EXD2: variants seen among roughly 807,000 people sequenced by gnomAD.
EXD2 encodes exonuclease 3'-5' domain containing 2.
EXD2 carries 40 observed loss-of-function variants against 62.5 expected under a neutral mutation model. The observed-to-expected ratio is 0.64, with a 90% CI of 0.50 to 0.83. The LOEUF (loss-of-function observed/expected upper bound fraction) is 0.83, where lower values mean the gene tolerates loss of function less well. Among genes scored for constraint, EXD2 ranks in the 40% least tolerant of loss-of-function variants. EXD2 has a pLI of 0.00. For missense variants in EXD2, 671 were observed against 761.8 expected (o/e 0.88, Z 1.40); for synonymous variants, 239 against 291.9 (o/e 0.82, Z 1.85).
At chr14:69,192,469 G>A (rs1231290130) in intron 1 of EXD2, among the ~76,000 whole-genome samples, 1 of 143,752 alleles carries the variant, frequency 7.0e-6, no homozygotes, top group Non-Finnish European at 1.5e-5. Context: ...CGTGCATAAA[G>A]CCTTGTAACA....
At chr14:69,209,879 A>G (rs1273088433) in intron 3 of EXD2, 76 bp downstream of exon 3, 1 of 1,217,138 alleles carries the variant, frequency 8.2e-7, no homozygotes, top group African/African-American at 1.5e-5. Flanking sequence ...TTGGACAGTC[A>G]AGTAGAAAAT....
intron 4 of EXD2, among the ~76,000 whole-genome samples, chr14:69,229,815 CA>C (rs2043504712): frequency 6.6e-6 from 1 of 152,070 alleles, no homozygotes. Context: ...GTGACACAGT[CA>C]CTAAAAGTTT....
At chr14:69,235,146 C>T (rs4243633) in intron 6 of EXD2, 115 bp downstream of exon 6, 6 of 872,130 alleles carry the variant, frequency 6.9e-6, no homozygotes, top group Non-Finnish European at 1.0e-5. Flanking sequence ...GCAGCTCTCC[C>T]GGGGTTAATC....
intron 3 of EXD2, among the ~76,000 whole-genome samples, chr14:69,219,735 C>T (rs568529268): frequency 2.5e-4 from 38 of 152,250 alleles, no homozygotes; most frequent in Non-Finnish European, 3.1e-4. Flanking sequence ...GTTCTAATTA[C>T]TTGTAGATTC....
chr14:69,214,308 G>A (rs556648148), intron 3 of EXD2, among the ~76,000 whole-genome samples: 37 of 152,076 alleles, frequency 2.4e-4, no homozygotes, highest in Non-Finnish European at 5.0e-4. Flanking sequence ...TAATAGGATT[G>A]ATGTTTTATC....
At chr14:69,223,719 G>T (rs2043265763) in intron 3 of EXD2, among the ~76,000 whole-genome samples, 1 of 152,146 alleles carries the variant, frequency 6.6e-6, no homozygotes, top group Non-Finnish European at 1.5e-5. Context: ...CTCCTGCCTG[G>T]TCCTTTCTGG....
rs1385576186 is a variant in EXD2, at chr14:69,243,483, G to A, written c.*2383G>A. On this transcript the variant is annotated 3_prime_UTR_variant, in exon 10 of 10. Coordinates refer to ENST00000685843, the MANE Select transcript of EXD2 (RefSeq NM_001193360.2). ...ACTTTACCCTCTCACTGATTAACAT[G>A]GTATCACGAGTAACTTCCTATGTTT... The A allele has an allele frequency of 6.6e-6, 1 of 152,118 alleles. No individual in the cohort carries two copies. The highest frequency in any genetic ancestry group is 1.5e-5 in the Non-Finnish European group (1 of 68,026). The allele number at this position is 152,118 out of a possible 1,614,324, so 9.4% of individuals were successfully genotyped here.
intron 3 of EXD2, among the ~76,000 whole-genome samples, chr14:69,215,298 A>ATGTGTGTGTGTGTGTGTG (rs61469385): frequency 4.9e-5 from 5 of 102,094 alleles, no homozygotes; most frequent in South Asian, 3.8e-4. Context: ...TCAAAAATAT[A>ATGTGTGTGTGTGTGTGTG]TGTGTGTGTG....
intron 6 of EXD2, 119 bp downstream of exon 6, chr14:69,235,150 G>T (rs988109953): frequency 2.5e-6 from 2 of 802,792 alleles, no homozygotes; most frequent in Non-Finnish European, 3.7e-6. Context: ...CTCTCCCGGG[G>T]TTAATCTTGC....
intron 9 of EXD2, 50 bp from the exon 10 acceptor site, chr14:69,240,834 C>A: frequency 6.5e-7 from 1 of 1,529,410 alleles, no homozygotes; most frequent in Non-Finnish European, 9.0e-7. Flanking sequence ...GTCTGTGAGG[C>A]CATCCTGCGC....
At chr14:69,219,949 A>G (rs1298962565) in intron 3 of EXD2, among the ~76,000 whole-genome samples, 1 of 152,130 alleles carries the variant, frequency 6.6e-6, no homozygotes, top group African/African-American at 2.4e-5. Context: ...TTGAAGTATA[A>G]TATCTGCAGT....
chr14:69,229,220 A>G, intron 4 of EXD2, 148 bp downstream of exon 4: 1 of 1,111,838 alleles, frequency 9.0e-7, no homozygotes, highest in South Asian at 1.7e-5. Flanking sequence ...TTGTAAGGAG[A>G]CATTCCACCT....
In EXD2 at chr14:69,233,688, G is replaced by C. The variant is rs189901683; in HGVS notation, c.718-1012G>C. ...ATTCCTGACCTCAAGTGATCTACCC[G>C]CCTCAGCCTCCCAAAGTGTTGGGAT... On this transcript the variant is annotated intron_variant, in intron 5 of 9. Transcript: ENST00000685843. Among the ~76,000 whole-genome samples the C allele has an allele frequency of 1.0e-3, 158 of 151,438 alleles. 3 individuals are homozygous for C. The East Asian group carries it at 0.029, about 28-fold the overall frequency.
At chr14:69,200,598 A>G (rs1431847193) in intron 1 of EXD2, among the ~76,000 whole-genome samples, 1 of 152,000 alleles carries the variant, frequency 6.6e-6, no homozygotes, top group Non-Finnish European at 1.5e-5. Flanking sequence ...AGTCCCAGCT[A>G]CTTGGGAGGC....
At chr14:69,238,922 C>T (rs1400496014) in intron 9 of EXD2, among the ~76,000 whole-genome samples, 1 of 152,194 alleles carries the variant, frequency 6.6e-6, no homozygotes, top group Non-Finnish European at 1.5e-5. Context: ...ACCACTGTGC[C>T]TGGCCCCAAA....
intron 1 of EXD2, among the ~76,000 whole-genome samples, chr14:69,195,226 A>T (rs1381562305): frequency 2.2e-5 from 2 of 89,798 alleles, no homozygotes; most frequent in Non-Finnish European, 4.3e-5. Context: ...CAAAAAAAAA[A>T]AAAAAAGAGA....
chr14:69,206,455 C>CT lies in EXD2; in HGVS notation c.-48+2486dup, dbSNP rs56333403. On this transcript the variant is annotated intron_variant, in intron 2 of 9. Coordinates refer to ENST00000685843, the MANE Select transcript of EXD2 (RefSeq NM_001193360.2). ...CCCAGCTTCATCTCCCACCCACCCACTTTTTTTTTTTTTTTTTTTTTTTTT... is the reference window on the plus strand; with the variant it reads ...CCCAGCTTCATCTCCCACCCACCCACTTTTTTTTTTTTTTTTTTTTTTTTTT... Among the ~76,000 whole-genome samples the CT allele has an allele frequency of 5.2e-3, 488 of 94,566 alleles. 34 individuals carry two copies. The highest frequency in any genetic ancestry group is 6.7e-3 in the Non-Finnish European group (322 of 48,364). 62.0% of individuals were successfully genotyped at this position (94,566 alleles called of 152,430 possible). A position where few individuals can be genotyped will look rare whatever the true frequency, so the allele number is the denominator to read the frequency against.
At chr14:69,227,710 T>G (rs1222537553) in intron 3 of EXD2, among the ~76,000 whole-genome samples, 1 of 152,102 alleles carries the variant, frequency 6.6e-6, no homozygotes, top group East Asian at 1.9e-4. Flanking sequence ...TGGGCGTGCC[T>G]GTAACCCCAG....
intron 3 of EXD2, among the ~76,000 whole-genome samples, chr14:69,220,251 C>CTGTTTTTTGTTTTT (rs1432732895): frequency 8.3e-5 from 5 of 60,604 alleles, no homozygotes; most frequent in Non-Finnish European, 9.1e-5. Flanking sequence ...TTTTGTCTCT[C>CTGTTTTTTGTTTTT]TGTTTTTTTT....
Sources: allele counts gnomAD v4.1 joint callset (sites outside exome capture counted in the v4.1 genomes callset), GRCh38; gene constraint gnomAD v4.1.1; transcripts MANE v1.5; gene names NCBI Gene and HGNC (gene_info 2026-07-23, HGNC 2026-07-21).